TRAPPC9: variants seen among roughly 807,000 people sequenced by gnomAD.
The protein encoded by TRAPPC9 is IKK2 binding protein.
TRAPPC9 carries 83 observed loss-of-function variants against 124.0 expected under a neutral mutation model. That is an observed-to-expected ratio of 0.67 (90% CI 0.56 to 0.80). The LOEUF is 0.80. TRAPPC9 is among the 30% of genes least tolerant of loss of function. The pLI is 0.00. For synonymous variants in TRAPPC9, 638 were observed against 617.5 expected, an observed-to-expected ratio of 1.03 and a Z score of -0.49; for missense variants, 1,302 against 1,508.3, an observed-to-expected ratio of 0.86 and a Z score of 2.27.
intron 21 of TRAPPC9, among the ~76,000 whole-genome samples, chr8:139,785,654 G>T (rs543544352): frequency 6.6e-5 from 10 of 151,778 alleles, no homozygotes; most frequent in Admixed American, 6.6e-4. Context: ...GCTTGAACCC[G>T]TGAGGTGGAG....
intron 17 of TRAPPC9, among the ~76,000 whole-genome samples, chr8:140,070,144 G>A (rs1419388248): frequency 1.3e-5 from 2 of 152,316 alleles, no homozygotes; most frequent in Admixed American, 1.3e-4. Flanking sequence ...TCCAGTCAAG[G>A]TGACAACCAA....
chr8:140,314,702 T>C (rs2066399147), intron 9 of TRAPPC9, among the ~76,000 whole-genome samples: 1 of 152,254 alleles, frequency 6.6e-6, no homozygotes, highest in African/African-American at 2.4e-5. Flanking sequence ...GATTTGTCTT[T>C]CTGTGCCTGG....
At chr8:140,456,881 G>C (rs1368642243) in intron 1 of TRAPPC9, 3 of 978,706 alleles carry the variant, frequency 3.1e-6, no homozygotes, top group South Asian at 4.7e-5. Context: ...CCTAACACGG[G>C]AAAACTTTCG....
chr8:140,183,268 A>G (rs2131021552), intron 17 of TRAPPC9, among the ~76,000 whole-genome samples: 1 of 152,260 alleles, frequency 6.6e-6, no homozygotes, highest in Admixed American at 6.5e-5. Context: ...TTGGTGGAAG[A>G]CCTGTGTACA....
intron 18 of TRAPPC9, among the ~76,000 whole-genome samples, chr8:139,993,117 C>G (rs556850609): frequency 5.9e-5 from 9 of 152,082 alleles, no homozygotes; most frequent in Non-Finnish European, 1.2e-4. Context: ...CAAAGACAAG[C>G]TTCATTTTTA....
chr8:140,185,279 G>T (rs1403253236), intron 17 of TRAPPC9, among the ~76,000 whole-genome samples: 1 of 152,214 alleles, frequency 6.6e-6, no homozygotes, highest in Non-Finnish European at 1.5e-5. Context: ...CAGGACACAC[G>T]CACGTGGAGT....
chr8:139,763,678 G>A (rs552974561), intron 21 of TRAPPC9, among the ~76,000 whole-genome samples: 1 of 152,366 alleles, frequency 6.6e-6, no homozygotes, highest in African/African-American at 2.4e-5. Context: ...ACGCACGCGT[G>A]CACACACACG....
At chr8:139,751,317 A>G (rs1183048768) in intron 21 of TRAPPC9, among the ~76,000 whole-genome samples, 1 of 152,184 alleles carries the variant, frequency 6.6e-6, no homozygotes, top group African/African-American at 2.4e-5. Flanking sequence ...CCCAGGGGCC[A>G]GGCCCACAGC....
At chr8:139,964,940 C>T (rs1453098678) in intron 19 of TRAPPC9, among the ~76,000 whole-genome samples, 2 of 152,320 alleles carry the variant, frequency 1.3e-5, no homozygotes, top group Admixed American at 6.5e-5. Flanking sequence ...TCTATCCTAT[C>T]GTACCGAGCC....
At position 139,735,478 on chromosome 8, in the gene TRAPPC9, C is replaced by T. The variant is rs1454400836; in HGVS notation, c.3056-3276G>A. Among the ~76,000 whole-genome samples, 5 of 152,278 alleles carry T rather than the reference C, an allele frequency of 3.3e-5. No individual in the cohort carries two copies. The South Asian group carries it at 8.3e-4, about 25-fold the overall frequency. ...TCCTCTACCTCTGTGCCACCCAAGC[C>T]AGGCCTCAGTAAATGTTTCTTGAAC... On this transcript the variant is annotated intron_variant, in intron 21 of 22. Transcript: ENST00000438773.
chr8:139,956,608 G>A (rs973739532), intron 19 of TRAPPC9, among the ~76,000 whole-genome samples: 5 of 152,168 alleles, frequency 3.3e-5, no homozygotes, highest in Non-Finnish European at 7.4e-5. Context: ...TTTCCAATCA[G>A]GACAGGCCCT....
intron 17 of TRAPPC9, among the ~76,000 whole-genome samples, chr8:140,044,905 C>G (rs190773084): frequency 6.6e-6 from 1 of 152,140 alleles, no homozygotes; most frequent in African/African-American, 2.4e-5. Flanking sequence ...ATAACTTACA[C>G]GCAGTAATAT....
At chr8:139,775,097 C>T (rs114816886) in intron 21 of TRAPPC9, among the ~76,000 whole-genome samples, 2,742 of 152,260 alleles carry the variant, frequency 0.018, 75 homozygotes, top group African/African-American at 0.063. Context: ...TGGGGCTGTC[C>T]GGGTCTGTGG....
At chr8:140,028,412 T>G (rs1467356005) in intron 17 of TRAPPC9, among the ~76,000 whole-genome samples, 1 of 152,104 alleles carries the variant, frequency 6.6e-6, no homozygotes, top group Non-Finnish European at 1.5e-5. Flanking sequence ...TATTAAAGAG[T>G]ACCTACTCCA....
intron 5 of TRAPPC9, among the ~76,000 whole-genome samples, chr8:140,419,448 AAAAACAAAAC>A (rs1554683876): frequency 3.1e-3 from 294 of 94,784 alleles, no homozygotes; most frequent in African/African-American, 0.01. Context: ...AAAAAAAAAA[AAAAACAAAAC>A]AAAACAAAAA....
chr8:140,199,470 G>C (rs559935410), intron 17 of TRAPPC9, among the ~76,000 whole-genome samples: 3 of 151,918 alleles, frequency 2.0e-5, no homozygotes, highest in Non-Finnish European at 4.4e-5. Context: ...CACACAGTTC[G>C]TAGGTGATCA....
chr8:140,393,936 C>T (rs947586174), intron 7 of TRAPPC9, among the ~76,000 whole-genome samples: 7 of 152,072 alleles, frequency 4.6e-5, no homozygotes, highest in Admixed American at 4.6e-4. Context: ...CACAGGGCCA[C>T]GGAACCACAT....
chr8:140,317,023 GTCTCTTGTGATCTTT>G (rs1371270095), intron 9 of TRAPPC9, among the ~76,000 whole-genome samples: 1 of 152,110 alleles, frequency 6.6e-6, no homozygotes, highest in Non-Finnish European at 1.5e-5. Flanking sequence ...GTTTGTAATA[GTCTCTTGTGATCTTT>G]TATGTTTCTG....
intron 17 of TRAPPC9, among the ~76,000 whole-genome samples, chr8:140,183,136 TCTTTAATC>T (rs2062245025): frequency 6.6e-6 from 1 of 152,208 alleles, no homozygotes; most frequent in Non-Finnish European, 1.5e-5. Context: ...CTTCACCCAT[TCTTTAATC>T]CAAGAAACAT....
Sources: gnomAD v4.1 joint callset for allele counts (sites outside exome capture counted in the v4.1 genomes callset) on GRCh38, gnomAD v4.1.1 for gene constraint, MANE v1.5 for transcripts, NCBI Gene and HGNC (gene_info 2026-07-23, HGNC 2026-07-21) for gene names.